SH3D19: variants seen among roughly 807,000 people sequenced by gnomAD.
SH3D19 encodes SH3 domain-containing protein 19.
A neutral mutation model predicts 112.1 loss-of-function variants in SH3D19; 58 were observed. The ratio of observed to expected loss-of-function variants is 0.52; its 90% CI spans 0.42 to 0.64. The LOEUF (loss-of-function observed/expected upper bound fraction) is 0.64. Ranked by LOEUF, SH3D19 falls within the 30% of genes least tolerant of loss-of-function variation. The probability of loss-of-function intolerance (pLI) is 0.00; values close to 1 mark genes in which losing one functional copy is unlikely to be tolerated. For missense variants in SH3D19, 1,090 were observed against 1,263.4 expected, an observed-to-expected ratio of 0.86 and a Z score of 2.08; for synonymous variants, 391 against 448.5, an observed-to-expected ratio of 0.87 and a Z score of 1.62.
chr4:151,136,294 C>G (rs774046295), intron 14 of SH3D19, among the ~76,000 whole-genome samples: 1 of 151,902 alleles, frequency 6.6e-6, no homozygotes, highest in Admixed American at 6.6e-5. Flanking sequence ...ACTACACACG[C>G]GTAACACCAT....
chr4:151,183,926 C>T (rs1761331081), intron 3 of SH3D19, among the ~76,000 whole-genome samples: 1 of 152,216 alleles, frequency 6.6e-6, no homozygotes, highest in Non-Finnish European at 1.5e-5. Context: ...CTCAGTTTCA[C>T]TACCACATGT....
At chr4:151,287,078 C>T (rs1001482355) in intron 1 of SH3D19, among the ~76,000 whole-genome samples, 3 of 151,516 alleles carry the variant, frequency 2.0e-5, no homozygotes, top group Non-Finnish European at 2.9e-5. Context: ...CAGTGGCTCA[C>T]ACCTGTAATC....
chr4:151,122,847 C>CT (rs760704406), intron 19 of SH3D19, among the ~76,000 whole-genome samples: 2,135 of 120,732 alleles, frequency 0.018, 33 homozygotes, highest in Non-Finnish European at 0.025. Flanking sequence ...ATTTTAGAGA[C>CT]TTTTTTTTTT....
At chr4:151,276,545 T>C (rs1773642747) in intron 1 of SH3D19, among the ~76,000 whole-genome samples, 1 of 152,092 alleles carries the variant, frequency 6.6e-6, no homozygotes, top group South Asian at 2.1e-4. Context: ...CCACCTCAGC[T>C]CCAGAGAAAC....
At chr4:151,125,213 A>C (rs1748942942) in intron 19 of SH3D19, among the ~76,000 whole-genome samples, 1 of 152,230 alleles carries the variant, frequency 6.6e-6, no homozygotes, top group Non-Finnish European at 1.5e-5. Flanking sequence ...TTATGCCTGT[A>C]ACCCAGCTCT....
chr4:151,319,329 CG>C (rs1730316801), intron 1 of SH3D19, among the ~76,000 whole-genome samples: 1 of 152,210 alleles, frequency 6.6e-6, no homozygotes. Flanking sequence ...GGATTACAGG[CG>C]TAAGCCACTG....
chr4:151,171,350 A>G (rs1339612212), intron 7 of SH3D19, among the ~76,000 whole-genome samples: 1 of 152,152 alleles, frequency 6.6e-6, no homozygotes, highest in Non-Finnish European at 1.5e-5. Flanking sequence ...CCATAATTCT[A>G]TCACAGACTG....
At chr4:151,271,570 G>A (rs1429744860) in intron 1 of SH3D19, among the ~76,000 whole-genome samples, 1 of 152,118 alleles carries the variant, frequency 6.6e-6, no homozygotes, top group East Asian at 1.9e-4. Context: ...TTAATATCCT[G>A]CAATGAACAG....
chr4:151,282,456 C>T (rs749322372), intron 1 of SH3D19: 2 of 1,601,122 alleles, frequency 1.2e-6, no homozygotes, highest in Admixed American at 3.4e-5. Flanking sequence ...ATGTCATCCT[C>T]TTGTACTCCA....
At chr4:151,184,145 A>G (rs1037535817) in intron 3 of SH3D19, among the ~76,000 whole-genome samples, 1 of 152,222 alleles carries the variant, frequency 6.6e-6, no homozygotes, top group Admixed American at 6.5e-5. Flanking sequence ...AGGATTCACA[A>G]GAATACATGC....
At chr4:151,241,421 A>G (rs548243298) in intron 1 of SH3D19, among the ~76,000 whole-genome samples, 1 of 152,112 alleles carries the variant, frequency 6.6e-6, no homozygotes, top group East Asian at 1.9e-4. Context: ...AGTATTATAA[A>G]TTAGTGGTTG....
chr4:151,132,766 G>A (rs1311617914), intron 16 of SH3D19, among the ~76,000 whole-genome samples: 1 of 152,122 alleles, frequency 6.6e-6, no homozygotes, highest in African/African-American at 2.4e-5. Flanking sequence ...CTCTCAAAGT[G>A]TTGGAATTAC....
At chr4:151,263,276 T>C (rs1772518436) in intron 1 of SH3D19, among the ~76,000 whole-genome samples, 1 of 152,166 alleles carries the variant, frequency 6.6e-6, no homozygotes, top group Non-Finnish European at 1.5e-5. Flanking sequence ...GGACATCACT[T>C]AGCCCAACAC....
chr4:151,276,374 G>C (rs1298495144), intron 1 of SH3D19, among the ~76,000 whole-genome samples: 1 of 152,252 alleles, frequency 6.6e-6, no homozygotes, highest in African/African-American at 2.4e-5. Flanking sequence ...GCAGCTAGGA[G>C]TGTTGGCTGC....
At chr4:151,236,002 G>A (rs572960472) in intron 1 of SH3D19, among the ~76,000 whole-genome samples, 21 of 152,342 alleles carry the variant, frequency 1.4e-4, no homozygotes, top group Admixed American at 6.5e-4. Context: ...TATAGGGCCA[G>A]GCACAGGCTC....
chr4:151,261,994 T>C (rs1772414590), intron 1 of SH3D19, among the ~76,000 whole-genome samples: 1 of 152,214 alleles, frequency 6.6e-6, no homozygotes, highest in African/African-American at 2.4e-5. Context: ...TTACTAGATC[T>C]ACCCCTTATT....
intron 1 of SH3D19, among the ~76,000 whole-genome samples, chr4:151,227,359 C>A (rs1425250170): frequency 6.6e-6 from 1 of 152,186 alleles, no homozygotes; most frequent in Non-Finnish European, 1.5e-5. Context: ...AGAGTTAGTA[C>A]TCATGAAAAC....
chr4:151,203,670 A>T (rs1261022392), intron 2 of SH3D19, among the ~76,000 whole-genome samples: 1 of 152,228 alleles, frequency 6.6e-6, no homozygotes, highest in East Asian at 1.9e-4. Context: ...AAATGTTTCA[A>T]ATAATAACTT....
intron 6 of SH3D19, 31 bp downstream of exon 6, chr4:151,176,503 A>G: frequency 2.4e-6 from 3 of 1,231,784 alleles, no homozygotes; most frequent in Non-Finnish European, 3.0e-6. Flanking sequence ...GAACTAGGTC[A>G]GAATTAGGGA....
Sources: allele counts gnomAD v4.1 joint callset (sites outside exome capture counted in the v4.1 genomes callset), GRCh38; gene constraint gnomAD v4.1.1; transcripts MANE v1.5; gene names NCBI Gene and HGNC (gene_info 2026-07-23, HGNC 2026-07-21).